The following DOCK1 variants were observed in gnomAD, a reference collection of about 807,000 sequenced individuals.
DOCK1 encodes dedicator of cytokinesis 1, also known as dedicator of cytokinesis protein 1.
DOCK1 carries 138 observed loss-of-function variants against 262.7 expected under a neutral mutation model. That is an observed-to-expected ratio of 0.53 (90% CI 0.46 to 0.61). The LOEUF is 0.61. Ranked by LOEUF, DOCK1 falls within the 20% of genes least tolerant of loss-of-function variation. The pLI is 0.00. For synonymous variants in DOCK1, 866 were observed against 867.4 expected, an observed-to-expected ratio of 1.00 and a Z score of 0.03; for missense variants, 1,908 against 2,370.7, an observed-to-expected ratio of 0.80 and a Z score of 4.05.
At chr10:126,915,500 C>A (rs2032370412) in intron 1 of DOCK1, among the ~76,000 whole-genome samples, 1 of 152,090 alleles carries the variant, frequency 6.6e-6, no homozygotes, top group Non-Finnish European at 1.5e-5. Flanking sequence ...CCCACTGCAA[C>A]CTCCGCCTCC....
At chr10:127,235,550 G>A (rs954901060) in intron 27 of DOCK1, among the ~76,000 whole-genome samples, 2 of 152,132 alleles carry the variant, frequency 1.3e-5, no homozygotes, top group Non-Finnish European at 1.5e-5. Context: ...TGTTTGGAGT[G>A]TCCCCTATGT....
intron 40 of DOCK1, among the ~76,000 whole-genome samples, chr10:127,405,153 A>T (rs1565065526): frequency 6.6e-6 from 1 of 152,152 alleles, no homozygotes; most frequent in Non-Finnish European, 1.5e-5. Flanking sequence ...GTATGTTTTT[A>T]ATTATATGGG....
intron 25 of DOCK1, among the ~76,000 whole-genome samples, chr10:127,111,032 T>G (rs1175721891): frequency 4.6e-5 from 7 of 152,214 alleles, no homozygotes; most frequent in African/African-American, 1.7e-4. Flanking sequence ...AAGCATGGAT[T>G]TATTCGATTC....
At chr10:127,271,026 TACAC>T (rs370701091) in intron 29 of DOCK1, among the ~76,000 whole-genome samples, 2 of 151,592 alleles carry the variant, frequency 1.3e-5, no homozygotes, top group Admixed American at 6.6e-5. Flanking sequence ...TATGTATATA[TACAC>T]ACACACACAT....
intron 29 of DOCK1, among the ~76,000 whole-genome samples, chr10:127,335,746 A>T (rs1278435127): frequency 2.6e-5 from 3 of 115,318 alleles, no homozygotes; most frequent in South Asian, 2.8e-4. Flanking sequence ...ATGGAGTCTC[A>T]CTCTGTCGCC....
chr10:127,403,314 T>C (rs965980488), intron 39 of DOCK1, among the ~76,000 whole-genome samples, 170 bp downstream of exon 39: 2 of 152,240 alleles, frequency 1.3e-5, no homozygotes, highest in African/African-American at 4.8e-5. Flanking sequence ...CTGGTTGATA[T>C]TTGGCCCATA....
intron 1 of DOCK1, among the ~76,000 whole-genome samples, chr10:126,954,342 G>A (rs1445141933): frequency 2.0e-5 from 3 of 152,256 alleles, no homozygotes; most frequent in Non-Finnish European, 4.4e-5. Context: ...GGGCTGCTAT[G>A]TAGGACCCTC....
intron 27 of DOCK1, among the ~76,000 whole-genome samples, chr10:127,186,507 G>GCCCCCCCC (rs1326283340): frequency 1.7e-4 from 1 of 5,912 alleles, no homozygotes; most frequent in African/African-American, 3.2e-4. Context: ...GGGAGAAACC[G>GCCCCCCCC]CCCCCCCGCC....
intron 23 of DOCK1, among the ~76,000 whole-genome samples, chr10:127,064,886 C>G (rs1482963442): frequency 6.6e-6 from 1 of 152,218 alleles, no homozygotes; most frequent in African/African-American, 2.4e-5. Context: ...GAACTCCAGC[C>G]CCATCAAACA....
At chr10:127,224,779 T>G (rs566010515) in intron 27 of DOCK1, among the ~76,000 whole-genome samples, 2 of 151,924 alleles carry the variant, frequency 1.3e-5, no homozygotes, top group South Asian at 4.1e-4. Flanking sequence ...TATCTATATC[T>G]GTATATTTTT....
chr10:127,037,804 T>C lies in DOCK1; in HGVS notation c.1998T>C (p.Gly666=). 6.3e-7 allele frequency: 1 copy of C among 1,589,378 alleles called. No homozygotes were observed. Among genetic ancestry groups the C allele is most frequent in the Non-Finnish European group, 8.6e-7 (1 of 1,168,538 alleles). The change falls in exon 19 of 52, where the codon GGT becomes GGC. Residue 666 remains glycine (G), a synonymous_variant. Transcript: ENST00000623213. ...NLRQLMKVDG[G]EVVKFLQDTL... is the part of the protein sequence containing the mutation. ...GGCAGCTGATGAAAGTCGATGGTGG[T>C]GAAGTAGTGAAGGTAACATGGAGCC...
chr10:127,288,491 T>C (rs2061237616), intron 29 of DOCK1, among the ~76,000 whole-genome samples: 1 of 151,988 alleles, frequency 6.6e-6, no homozygotes, highest in South Asian at 2.1e-4. Flanking sequence ...TTTAATTCTC[T>C]TTTCCCTGCA....
intron 35 of DOCK1, among the ~76,000 whole-genome samples, chr10:127,375,696 A>T (rs1448155082): frequency 6.6e-6 from 1 of 152,228 alleles, no homozygotes; most frequent in Admixed American, 6.5e-5. Flanking sequence ...TCGCCCCTTC[A>T]TTGCATGGCT....
chr10:127,387,393 A>G (rs187994042), intron 38 of DOCK1, among the ~76,000 whole-genome samples: 6 of 152,080 alleles, frequency 3.9e-5, no homozygotes, highest in African/African-American at 7.2e-5. Flanking sequence ...GGCTTTCTCA[A>G]TCTGGGCATG....
intron 2 of DOCK1, among the ~76,000 whole-genome samples, chr10:126,976,664 G>A (rs2038564494): frequency 2.0e-5 from 3 of 151,830 alleles, no homozygotes; most frequent in Non-Finnish European, 2.9e-5. Context: ...CCCAGCTCAC[G>A]TTTTCCAAGT....
chr10:127,362,994 C>CG (rs2064657836), intron 33 of DOCK1, among the ~76,000 whole-genome samples: 8 of 128,934 alleles, frequency 6.2e-5, no homozygotes, highest in East Asian at 2.1e-4. Flanking sequence ...CATCCCCCCC[C>CG]ACACACACAC....
At chr10:127,287,650 A>C (rs1256818154) in intron 29 of DOCK1, among the ~76,000 whole-genome samples, 1 of 152,102 alleles carries the variant, frequency 6.6e-6, no homozygotes, top group Non-Finnish European at 1.5e-5. Flanking sequence ...ACTCAGTGAG[A>C]TTCAGGTTTT....
intron 33 of DOCK1, among the ~76,000 whole-genome samples, chr10:127,366,258 T>A (rs1043209181): frequency 1.3e-5 from 2 of 152,020 alleles, no homozygotes; most frequent in Non-Finnish European, 2.9e-5. Flanking sequence ...TTTAAAAAAA[T>A]CCCTCTTGTA....
Position 127,391,450 on chromosome 10 carries a change from C to T in DOCK1, c.3927+6541C>T, listed in dbSNP as rs184497746. 4.2e-3 allele frequency among the ~76,000 whole-genome samples: 646 copies of T among 152,254 alleles called. 2 individuals carry two copies. Among genetic ancestry groups the T allele is most frequent in the Non-Finnish European group, 6.3e-3 (428 of 68,020 alleles). On this transcript the variant is annotated intron_variant, in intron 38 of 51. Transcript: ENST00000623213. The stretch of plus-strand genomic sequence containing the variant: ...CTTGTTGGAGCAAGACAGAGTTTTC[C>T]GATACCTATTTTATTATTAAAATTT...
Sources: gnomAD v4.1 joint callset for allele counts (sites outside exome capture counted in the v4.1 genomes callset) on GRCh38, gnomAD v4.1.1 for gene constraint, MANE v1.5 for transcripts, NCBI Gene and HGNC (gene_info 2026-07-23, HGNC 2026-07-21) for gene names.